NBEA: variants seen among roughly 807,000 people sequenced by gnomAD.
NBEA encodes the protein neurobeachin, also known as lysosomal-trafficking regulator 2.
A neutral mutation model predicts 343.4 loss-of-function variants in NBEA; 44 were observed. The ratio of observed to expected loss-of-function variants is 0.13; its 90% CI spans 0.10 to 0.16. NBEA has a LOEUF of 0.16. NBEA is among the 10% of genes least tolerant of loss of function. NBEA has a pLI of 1.00. For synonymous variants in NBEA, 1,175 were observed against 1,238.7 expected, an observed-to-expected ratio of 0.95 and a Z score of 1.08; for missense variants, 2,555 against 3,631.3, an observed-to-expected ratio of 0.70 and a Z score of 7.62.
chr13:35,429,412 GT>G (rs755946180), intron 38 of NBEA, among the ~76,000 whole-genome samples: 6 of 151,196 alleles, frequency 4.0e-5, no homozygotes, highest in African/African-American at 9.7e-5. Flanking sequence ...CTAAACTGCT[GT>G]TTTTTTTTGA....
intron 1 of NBEA, among the ~76,000 whole-genome samples, chr13:35,033,153 C>A (rs958803771): frequency 6.6e-6 from 1 of 151,804 alleles, no homozygotes; most frequent in Non-Finnish European, 1.5e-5. Context: ...AGATTTAAGT[C>A]TTTAATCCAC....
chr13:35,170,483 G>A (rs2070378523), intron 25 of NBEA, among the ~76,000 whole-genome samples: 1 of 151,724 alleles, frequency 6.6e-6, no homozygotes, highest in Non-Finnish European at 1.5e-5. Flanking sequence ...AGTCCATGGT[G>A]CAAAACAAAA....
intron 38 of NBEA, among the ~76,000 whole-genome samples, chr13:35,395,360 A>G (rs2042695662): frequency 6.6e-6 from 1 of 150,660 alleles, no homozygotes; most frequent in Non-Finnish European, 1.5e-5. Context: ...AGTGTATAGC[A>G]CCTTCTCCTT....
At chr13:35,637,828 GAA>G (rs200193393) in intron 49 of NBEA, among the ~76,000 whole-genome samples, 10 of 137,736 alleles carry the variant, frequency 7.3e-5, no homozygotes, top group East Asian at 2.1e-4. Flanking sequence ...TCTCAAAAAA[GAA>G]AAAAAAAAAA....
intron 43 of NBEA, 53 bp downstream of exon 43, chr13:35,551,085 C>T: frequency 2.9e-6 from 3 of 1,034,124 alleles, no homozygotes; most frequent in Non-Finnish European, 4.4e-6. Flanking sequence ...ATTTCAATCT[C>T]AATATTACAG....
intron 34 of NBEA, among the ~76,000 whole-genome samples, chr13:35,238,710 T>A (rs1402270173): frequency 6.6e-6 from 1 of 152,092 alleles, no homozygotes; most frequent in African/African-American, 2.4e-5. Flanking sequence ...ATATACAAGT[T>A]GAAACATTTT....
chr13:35,488,038 CAT>C (rs1225354369), intron 41 of NBEA, among the ~76,000 whole-genome samples: 1 of 151,856 alleles, frequency 6.6e-6, no homozygotes, highest in African/African-American at 2.4e-5. Flanking sequence ...TTTGTTTAAA[CAT>C]ATTATTACCG....
intron 10 of NBEA, among the ~76,000 whole-genome samples, chr13:35,092,000 A>C (rs1229241487): frequency 1.3e-5 from 2 of 152,018 alleles, no homozygotes; most frequent in African/African-American, 4.8e-5. Context: ...AGTTGGAAGA[A>C]TTATACTTAA....
intron 11 of NBEA, among the ~76,000 whole-genome samples, chr13:35,102,427 C>A (rs775738436): frequency 7.3e-5 from 11 of 151,546 alleles, no homozygotes; most frequent in Non-Finnish European, 1.5e-4. Flanking sequence ...ATATATATAT[C>A]AGCTTATCAA....
intron 1 of NBEA, among the ~76,000 whole-genome samples, chr13:34,996,805 T>C (rs1262813609): frequency 6.6e-6 from 1 of 152,164 alleles, no homozygotes; most frequent in East Asian, 1.9e-4. Flanking sequence ...GTATGTATTA[T>C]GTGTTAAGTA....
At chr13:35,005,945 G>A (rs142477571) in intron 1 of NBEA, among the ~76,000 whole-genome samples, 13 of 152,094 alleles carry the variant, frequency 8.5e-5, no homozygotes, top group African/African-American at 2.9e-4. Flanking sequence ...AGCCTCCATG[G>A]GTTACATTCT....
intron 38 of NBEA, among the ~76,000 whole-genome samples, chr13:35,412,625 A>T (rs1301839828): frequency 6.6e-6 from 1 of 152,130 alleles, no homozygotes; most frequent in East Asian, 1.9e-4. Context: ...TGTTTGTTCT[A>T]ATGAATGAAC....
chr13:35,577,713 G>A (rs571669690), intron 45 of NBEA, among the ~76,000 whole-genome samples: 33 of 152,136 alleles, frequency 2.2e-4, no homozygotes, highest in South Asian at 4.1e-4. Flanking sequence ...GCTTAAAAAG[G>A]TTCAGGTACT....
intron 33 of NBEA, among the ~76,000 whole-genome samples, chr13:35,216,590 A>AT (rs2074079344): frequency 6.6e-6 from 1 of 151,870 alleles, no homozygotes. Flanking sequence ...CAAATGTAGT[A>AT]TTTTTTATAT....
intron 38 of NBEA, among the ~76,000 whole-genome samples, chr13:35,421,053 T>A (rs981905878): frequency 6.6e-6 from 1 of 151,986 alleles, no homozygotes; most frequent in Non-Finnish European, 1.5e-5. Context: ...GCCTTTTATG[T>A]GTTCTTAAGG....
chr13:35,036,030 G>A (rs2062430173), intron 1 of NBEA, among the ~76,000 whole-genome samples: 1 of 151,840 alleles, frequency 6.6e-6, no homozygotes, highest in Non-Finnish European at 1.5e-5. Context: ...TATTAAGTAA[G>A]GATGTACTCT....
At chr13:35,080,981 A>AT (rs2064361515) in intron 10 of NBEA, among the ~76,000 whole-genome samples, 1 of 152,204 alleles carries the variant, frequency 6.6e-6, no homozygotes, top group African/African-American at 2.4e-5. Context: ...AGATGCTGGC[A>AT]TTCATCATCC....
At chr13:35,489,606 C>T (rs535679160) in intron 41 of NBEA, among the ~76,000 whole-genome samples, 10 of 151,870 alleles carry the variant, frequency 6.6e-5, no homozygotes, top group South Asian at 2.1e-4. Context: ...AAAGTAAATT[C>T]GGTATTTGAA....
At chr13:35,269,157 C>A (rs898286149) in intron 34 of NBEA, among the ~76,000 whole-genome samples, 1 of 152,126 alleles carries the variant, frequency 6.6e-6, no homozygotes, top group South Asian at 2.1e-4. Flanking sequence ...TACCCATAAA[C>A]TCTTTTTATG....
Sources: gnomAD v4.1 joint callset for allele counts (sites outside exome capture counted in the v4.1 genomes callset) on GRCh38, gnomAD v4.1.1 for gene constraint, MANE v1.5 for transcripts, NCBI Gene and HGNC (gene_info 2026-07-23, HGNC 2026-07-21) for gene names.